Variants in TMEM63C observed in about 807,000 individuals in gnomAD.
The protein encoded by TMEM63C is osmosensitive cation channel TMEM63C.
A neutral mutation model predicts 99.2 loss-of-function variants in TMEM63C; 32 were observed. That is an observed-to-expected ratio of 0.32 (90% CI 0.24 to 0.43). The LOEUF (loss-of-function observed/expected upper bound fraction) is 0.43, where lower values mean the gene tolerates loss of function less well. Ranked by LOEUF, TMEM63C falls within the 20% of genes least tolerant of loss-of-function variation. TMEM63C has a pLI of 1.00. For missense variants in TMEM63C, 826 were observed against 1,053.0 expected (o/e 0.78, Z 2.98); for synonymous variants, 376 against 397.9 (o/e 0.94, Z 0.66).
chr14:77,258,926 G>A lies in TMEM63C; in HGVS notation c.*2200G>A, dbSNP rs1419092658. On this transcript the variant is annotated 3_prime_UTR_variant, in exon 24 of 24. Coordinates refer to ENST00000298351, the MANE Select transcript of TMEM63C (RefSeq NM_020431.4). The stretch of plus-strand genomic sequence containing the variant: ...TGTAGCCTGGCTCTGAGAGAAGGTG[G>A]TGAGCATGTGGAGAAGGTTCCATAG... 2.0e-5 allele frequency: 3 copies of A among 152,346 alleles called. No individual in the cohort carries two copies. Among genetic ancestry groups the A allele is most frequent in the African/African-American group, 7.2e-5 (3 of 41,452 alleles). 9.4% of individuals were successfully genotyped at this position (152,346 alleles called of 1,614,324 possible).
intron 9 of TMEM63C, 115 bp downstream of exon 9, chr14:77,236,847 A>G: frequency 2.7e-6 from 2 of 731,400 alleles, no homozygotes; most frequent in South Asian, 1.5e-5. Context: ...ACTGTGATAG[A>G]TGGGAGGGGG....
intron 2 of TMEM63C, among the ~76,000 whole-genome samples, chr14:77,216,101 GAGGA>G (rs1201686249): frequency 9.6e-5 from 14 of 145,400 alleles, no homozygotes; most frequent in African/African-American, 3.6e-4. Flanking sequence ...AGAAAAGAGA[GAGGA>G]AGGAAGGAAG....
chr14:77,225,817 A>G lies in TMEM63C; in HGVS notation c.350+356A>G, dbSNP rs561817941. Among the ~76,000 whole-genome samples, 22 of 152,152 alleles carry G rather than the reference A, an allele frequency of 1.4e-4. No individual in the cohort carries two copies. In the South Asian group the frequency reaches 2.7e-3, roughly 19 times the overall value. ...TTGATTTCTGTGAACATCATTCAAC[A>G]TATCATGTGTTCGCCCTTCTGCCCA... is the stretch of plus-strand genomic sequence containing the variant. On this transcript the variant is annotated intron_variant, in intron 6 of 23. Coordinates refer to ENST00000298351, the MANE Select transcript of TMEM63C (RefSeq NM_020431.4).
At chr14:77,211,314 C>A (rs1295992589) in intron 1 of TMEM63C, among the ~76,000 whole-genome samples, 1 of 152,216 alleles carries the variant, frequency 6.6e-6, no homozygotes, top group Admixed American at 6.5e-5. Context: ...CTTCTCTGGG[C>A]CATGACCTTG....
intron 1 of TMEM63C, among the ~76,000 whole-genome samples, chr14:77,189,961 T>C (rs1888075313): frequency 6.6e-6 from 1 of 152,178 alleles, no homozygotes; most frequent in African/African-American, 2.4e-5. Flanking sequence ...GTTGTGTACA[T>C]AGTAAATAGG....
chr14:77,185,897 G>T (rs1420501337), intron 1 of TMEM63C, among the ~76,000 whole-genome samples: 1 of 152,086 alleles, frequency 6.6e-6, no homozygotes, highest in Admixed American at 6.5e-5. Flanking sequence ...GAAGCGGAAA[G>T]GTGCCCAGCT....
In TMEM63C at chr14:77,246,622, C is replaced by A. The variant is rs2140129634; in HGVS notation, c.1549C>A (p.Leu517Ile). ...TTTTGCTTCTAGTTTGGATGTCTTT[C>A]TCCGCTGGCTCTTTGACATCTACTA... is the stretch of plus-strand genomic sequence containing the variant. The part of the protein sequence containing the change: ...SMGLTSLDVF[L>I]RWLFDIYYLE... Residue 517 changes from leucine (L) to isoleucine (I), a missense_variant, in exon 18 of 24, where the codon CTC becomes ATC. Leu to Ile is a conservative substitution (Grantham distance 5). Transcript: ENST00000298351. 6.2e-7 allele frequency: 1 copy of A among 1,613,096 alleles called. No individual in the cohort carries two copies. The highest frequency in any genetic ancestry group is 2.2e-5 in the East Asian group (1 of 44,866).
Position 77,241,585 on chromosome 14 carries a change from G to GAA in TMEM63C, c.1065-761_1065-760dup, listed in dbSNP as rs1343537415. Among the ~76,000 whole-genome samples the GAA allele has an allele frequency of 2.0e-5, 3 of 152,204 alleles. No homozygotes were observed. In the East Asian group the frequency reaches 5.8e-4, roughly 29 times the overall value. On this transcript the variant is annotated intron_variant, in intron 13 of 23. Coordinates refer to ENST00000298351, the MANE Select transcript of TMEM63C (RefSeq NM_020431.4). Reference sequence around the variant, plus strand: ...ACCCCAACCCTACAAAGGAAGAGCAGAACTACCTAGATTTTGCTCACAAAC... The same window carrying GAA: ...ACCCCAACCCTACAAAGGAAGAGCAGAAAACTACCTAGATTTTGCTCACAAAC...
chr14:77,207,544 G>A (rs193173705), intron 1 of TMEM63C, among the ~76,000 whole-genome samples: 5 of 152,358 alleles, frequency 3.3e-5, no homozygotes, highest in Admixed American at 1.3e-4. Context: ...CGGAGGCTGC[G>A]TGATGTAGTG....
chr14:77,189,094 C>G (rs1888055300), intron 1 of TMEM63C, among the ~76,000 whole-genome samples: 1 of 151,486 alleles, frequency 6.6e-6, no homozygotes, highest in Admixed American at 6.6e-5. Flanking sequence ...TTAAGTGAAA[C>G]TTTAATTTTC....
chr14:77,253,279 TA>T, intron 22 of TMEM63C, 25 bp from the exon 23 acceptor site: 1 of 1,608,328 alleles, frequency 6.2e-7, no homozygotes. Flanking sequence ...AGGCCTCCTG[TA>T]ACCCACCACC....
At chr14:77,241,082 C>T (rs1319088327) in intron 13 of TMEM63C, among the ~76,000 whole-genome samples, 2 of 152,048 alleles carry the variant, frequency 1.3e-5, no homozygotes, top group Non-Finnish European at 2.9e-5. Flanking sequence ...TCCCAAGTAG[C>T]TGGGATTACA....
intron 5 of TMEM63C, among the ~76,000 whole-genome samples, chr14:77,224,619 A>G (rs1423538043): frequency 6.6e-6 from 1 of 151,554 alleles, no homozygotes. Context: ...TCCCCCACCA[A>G]TCTCCCCATG....
chr14:77,240,281 G>C (rs1222023637), intron 12 of TMEM63C, among the ~76,000 whole-genome samples, 194 bp from the exon 13 acceptor site: 1 of 152,200 alleles, frequency 6.6e-6, no homozygotes, highest in East Asian at 1.9e-4. Flanking sequence ...CAGATCTAAG[G>C]GCAGGGGTGA....
intron 5 of TMEM63C, among the ~76,000 whole-genome samples, chr14:77,223,592 T>C (rs1268962292): frequency 6.6e-6 from 1 of 152,140 alleles, no homozygotes; most frequent in South Asian, 2.1e-4. Context: ...GCTTTCTGAA[T>C]GGTTTATGCC....
Position 77,246,013 on chromosome 14 carries a change from A to G in TMEM63C, c.1522A>G (p.Met508Val), listed in dbSNP as rs369735345. The change falls in exon 17 of 24, where the codon ATG becomes GTG. Residue 508 changes from methionine to valine, a missense_variant. Physicochemically the swap from Met to Val is conservative, Grantham distance 21 (BLOSUM62 1). Transcript: ENST00000298351. ...GTTCATGGTAGTCATTCTGCCCTCT[A>G]TGGGACTGACCAGGTACCTCACTTC... ...LVFMVVILPS[M>V]GLTSLDVFLR... The G allele has an allele frequency of 1.7e-5, 28 of 1,613,374 alleles. No homozygotes were observed. Among genetic ancestry groups the G allele is most frequent in the South Asian group, 2.2e-5 (2 of 91,064 alleles).
intron 5 of TMEM63C, among the ~76,000 whole-genome samples, chr14:77,224,286 G>A (rs906189344): frequency 2.0e-5 from 3 of 152,000 alleles, no homozygotes; most frequent in Non-Finnish European, 4.4e-5. Flanking sequence ...GCTCCCCTCG[G>A]CATAAGGCCC....
intron 1 of TMEM63C, among the ~76,000 whole-genome samples, chr14:77,184,321 G>C (rs1887961580): frequency 6.6e-6 from 1 of 151,884 alleles, no homozygotes; most frequent in Non-Finnish European, 1.5e-5. Context: ...TCCATCCCCA[G>C]CTGCCCATTA....
rs1888944809 is a variant in TMEM63C, at chr14:77,231,628, A to G, written c.391A>G (p.Ile131Val). Residue 131 changes from isoleucine (I) to valine (V), a missense_variant, in exon 7 of 24, where the codon ATC (isoleucine) becomes GTC (valine). Physicochemically the swap from Ile to Val is conservative, Grantham distance 29. Coordinates refer to ENST00000298351, the MANE Select transcript of TMEM63C (RefSeq NM_020431.4). ...TAACAAGTGTGGGGACGACGCGCGC[A>G]TCTACATCGTGTTCCAGTACCACCT... ...LINKCGDDAR[I>V]YIVFQYHLII... 6.4e-7 allele frequency: 1 copy of G among 1,551,558 alleles called. No homozygotes were observed. The highest frequency in any genetic ancestry group is 2.4e-5 in the East Asian group (1 of 40,924).
Sources: allele counts gnomAD v4.1 joint callset (sites outside exome capture counted in the v4.1 genomes callset), GRCh38; gene constraint gnomAD v4.1.1; transcripts MANE v1.5; gene names NCBI Gene and HGNC (gene_info 2026-07-23, HGNC 2026-07-21).